HMCN1: variants seen among roughly 807,000 people sequenced by gnomAD.
The protein encoded by HMCN1 is hemicentin-1.
A neutral mutation model predicts 625.9 loss-of-function variants in HMCN1; 321 were observed. The ratio of observed to expected loss-of-function variants is 0.51; its 90% CI spans 0.47 to 0.56. HMCN1 has a LOEUF of 0.56. HMCN1 is among the 20% of genes least tolerant of loss of function. The pLI is 0.00. For missense variants in HMCN1, 6,588 were observed against 6,887.3 expected (o/e 0.96, Z 1.54); for synonymous variants, 2,425 against 2,417.6 (o/e 1.00, Z -0.09).
intron 4 of HMCN1, among the ~76,000 whole-genome samples, chr1:185,903,305 G>A (rs1665919489): frequency 6.6e-6 from 1 of 151,700 alleles, no homozygotes; most frequent in South Asian, 2.1e-4. Context: ...TGCTCATTGA[G>A]TTGAAATTGA....
chr1:186,066,929 A>G (rs1213190982), intron 49 of HMCN1, among the ~76,000 whole-genome samples: 3 of 152,168 alleles, frequency 2.0e-5, no homozygotes, highest in African/African-American at 2.4e-5. Context: ...TTAAAAATGT[A>G]TACCTGTAAC....
At chr1:185,900,428 A>G (rs1013514140) in intron 4 of HMCN1, among the ~76,000 whole-genome samples, 1 of 151,818 alleles carries the variant, frequency 6.6e-6, no homozygotes, top group Non-Finnish European at 1.5e-5. Flanking sequence ...GGGGATCTGG[A>G]AAGAGTTAGT....
At chr1:185,893,051 C>A (rs946553682) in intron 4 of HMCN1, among the ~76,000 whole-genome samples, 12 of 152,202 alleles carry the variant, frequency 7.9e-5, no homozygotes, top group African/African-American at 2.9e-4. Flanking sequence ...GCGCAGTATT[C>A]GGGTGCAAGT....
chr1:186,054,287 A>T lies in HMCN1; in HGVS notation c.6862+301A>T, dbSNP rs1175181331. Among the ~76,000 whole-genome samples the T allele has an allele frequency of 3.3e-5, 5 of 151,982 alleles. No individual in the cohort carries two copies. The East Asian group carries it at 9.6e-4, about 29-fold the overall frequency. ...GAGGGGGAAGGGGGAGCATTTTAAC[A>T]TAGGGGATATTTACAATATGTAAAA... On this transcript the variant is annotated intron_variant, in intron 44 of 106. Coordinates refer to ENST00000271588, the MANE Select transcript of HMCN1 (RefSeq NM_031935.3).
chr1:185,767,644 CTG>C (rs1655958638), intron 1 of HMCN1, among the ~76,000 whole-genome samples: 1 of 152,104 alleles, frequency 6.6e-6, no homozygotes, highest in Non-Finnish European at 1.5e-5. Flanking sequence ...TGTGTTTTAA[CTG>C]TGAATAAAGG....
rs367666951 is a variant in HMCN1, at chr1:185,985,556, G to A, written c.2935+1243G>A. Among the ~76,000 whole-genome samples, 9 of 152,288 alleles carry A rather than the reference G, an allele frequency of 5.9e-5. No homozygotes were observed. The East Asian group carries it at 9.7e-4, about 16-fold the overall frequency. The stretch of plus-strand genomic sequence containing the variant: ...GATACAGACAAACGAATGATATGGT[G>A]TATTGTGATGCAAGAAGTTTTAATA... On this transcript the variant is annotated intron_variant, in intron 19 of 106. Coordinates refer to ENST00000271588, the MANE Select transcript of HMCN1 (RefSeq NM_031935.3).
intron 14 of HMCN1, 33 bp downstream of exon 14, chr1:185,965,948 A>G (rs768940763): frequency 3.3e-6 from 4 of 1,227,606 alleles, no homozygotes; most frequent in South Asian, 1.2e-5. Flanking sequence ...TGTCTGGTTC[A>G]CTTAGTTTTG....
intron 103 of HMCN1, among the ~76,000 whole-genome samples, chr1:186,175,623 A>C (rs1484066734): frequency 1.3e-5 from 2 of 152,304 alleles, no homozygotes; most frequent in East Asian, 3.9e-4. Flanking sequence ...ACTTTTCAGA[A>C]TGAAATAGTT....
chr1:186,060,306 T>C (rs1236849333), intron 46 of HMCN1, among the ~76,000 whole-genome samples: 3 of 152,050 alleles, frequency 2.0e-5, no homozygotes, highest in African/African-American at 7.2e-5. Context: ...CATTATACTG[T>C]TTTTAATTCA....
intron 4 of HMCN1, among the ~76,000 whole-genome samples, chr1:185,889,358 T>C (rs1344391408): frequency 6.8e-6 from 1 of 146,336 alleles, no homozygotes; most frequent in Admixed American, 6.6e-5. Context: ...TGAATAGGAG[T>C]GGTGAGAGAG....
intron 29 of HMCN1, among the ~76,000 whole-genome samples, chr1:186,004,105 T>C (rs1232779160): frequency 6.6e-6 from 1 of 152,196 alleles, no homozygotes; most frequent in East Asian, 1.9e-4. Flanking sequence ...CTAAATATCC[T>C]CTGTCTAAAG....
intron 19 of HMCN1, among the ~76,000 whole-genome samples, chr1:185,984,664 G>T (rs1341903587): frequency 6.6e-6 from 1 of 152,062 alleles, no homozygotes; most frequent in African/African-American, 2.4e-5. Flanking sequence ...TTTCTTTTTG[G>T]ATTGTGCAAC....
In HMCN1 at chr1:186,153,888, C is replaced by G; in HGVS notation, c.15157C>G (p.Pro5053Ala). The change falls in exon 97 of 107, where the codon CCT becomes GCT. Residue 5053 changes from proline (P) to alanine (A), a missense_variant. Transcript: ENST00000271588. Reference protein sequence around the residue: ...VFYDQAQGRMPFLVETLHASS... With the variant: ...VFYDQAQGRMAFLVETLHASS... ...CTATGATCAGGCACAGGGAAGAATGCCTTTCTTGGTTGAAACACTTCATGC... is the reference window on the plus strand; with the variant it reads ...CTATGATCAGGCACAGGGAAGAATGGCTTTCTTGGTTGAAACACTTCATGC... The G allele has an allele frequency of 6.2e-7, 1 of 1,614,140 alleles. No individual in the cohort carries two copies. The highest frequency in any genetic ancestry group is 2.2e-5 in the East Asian group (1 of 44,872).
rs1401186403 is a variant in HMCN1, at chr1:186,190,420, T to C, written c.*542T>C. On this transcript the variant is annotated 3_prime_UTR_variant, in exon 107 of 107. Coordinates refer to ENST00000271588, the MANE Select transcript of HMCN1 (RefSeq NM_031935.3). ...AAAACACCACTCATTTTATAAAATATAGTACAGCTACTATAAGGCTTGTTT... is the reference window on the plus strand; with the variant it reads ...AAAACACCACTCATTTTATAAAATACAGTACAGCTACTATAAGGCTTGTTT... The C allele has an allele frequency of 5.0e-6, 1 of 198,198 alleles. No individual in the cohort carries two copies. Among genetic ancestry groups the C allele is most frequent in the Non-Finnish European group, 1.0e-5 (1 of 95,868 alleles). The allele number at this position is 198,198 out of a possible 1,614,324, so 12.3% of individuals were successfully genotyped here.
chr1:185,968,437 TAAG>T (rs1401703403), intron 14 of HMCN1, among the ~76,000 whole-genome samples: 1 of 151,438 alleles, frequency 6.6e-6, no homozygotes, highest in Non-Finnish European at 1.5e-5. Flanking sequence ...TTATTAAAAA[TAAG>T]TGAATGCATG....
intron 1 of HMCN1, among the ~76,000 whole-genome samples, chr1:185,769,305 G>A (rs1208975538): frequency 8.6e-5 from 13 of 151,914 alleles, no homozygotes; most frequent in Admixed American, 8.5e-4. Flanking sequence ...AAAATTAGCT[G>A]AGCATGATGG....
chr1:185,997,575 G>C, intron 25 of HMCN1, 51 bp downstream of exon 25: 1 of 1,281,090 alleles, frequency 7.8e-7, no homozygotes, highest in South Asian at 1.2e-5. Context: ...TATGGTTTCA[G>C]AATGCTATAT....
chr1:186,046,000 A>G (rs903471305), intron 41 of HMCN1, 137 bp downstream of exon 41: 5 of 667,822 alleles, frequency 7.5e-6, no homozygotes, highest in Non-Finnish European at 1.3e-5. Context: ...CCTTTTATTG[A>G]TGAGGTTTGT....
chr1:186,016,405 C>G (rs2102138064), intron 32 of HMCN1, among the ~76,000 whole-genome samples, 166 bp downstream of exon 32: 1 of 152,190 alleles, frequency 6.6e-6, no homozygotes, highest in Middle Eastern at 3.4e-3. Flanking sequence ...TCACCAGAGT[C>G]TCAGGTTCTA....
Sources: gnomAD v4.1 joint callset for allele counts (sites outside exome capture counted in the v4.1 genomes callset) on GRCh38, gnomAD v4.1.1 for gene constraint, MANE v1.5 for transcripts, NCBI Gene and HGNC (gene_info 2026-07-23, HGNC 2026-07-21) for gene names.